Variants in DOT1L observed in about 807,000 individuals in gnomAD.
The protein encoded by DOT1L is DOT1 like histone lysine methyltransferase.
Under a neutral mutation model 153.3 loss-of-function variants are expected in DOT1L, and 33 were observed. That is an observed-to-expected ratio of 0.22 (90% confidence interval 0.16 to 0.29). DOT1L has a LOEUF of 0.29. Ranked by LOEUF, DOT1L falls within the 10% of genes least tolerant of loss-of-function variation. The pLI is 1.00. For synonymous variants in DOT1L, 1,135 were observed against 965.1 expected (o/e 1.18, Z -3.26); for missense variants, 1,847 against 2,119.9 (o/e 0.87, Z 2.53).
At chr19:2,195,519 G>T (rs2022978902) in intron 7 of DOT1L, among the ~76,000 whole-genome samples, 1 of 152,194 alleles carries the variant, frequency 6.6e-6, no homozygotes, top group Non-Finnish European at 1.5e-5. Context: ...GTGGATTGGA[G>T]GGTGGCTTGG....
chr19:2,205,824 G>A (rs1423752140), intron 9 of DOT1L, among the ~76,000 whole-genome samples: 4 of 151,832 alleles, frequency 2.6e-5, no homozygotes, highest in Admixed American at 2.6e-4. Context: ...CTCCCGAGTA[G>A]CTGGGATCAC....
Position 2,231,734 on chromosome 19 carries a change from G to T in DOT1L, c.*1942G>T, listed in dbSNP as rs889893935. 7 of 213,596 alleles carry T rather than the reference G, an allele frequency of 3.3e-5. No individual in the cohort carries two copies. In the East Asian group the frequency reaches 4.8e-4, roughly 15 times the overall value. 13.2% of individuals were successfully genotyped at this position (213,596 alleles called of 1,614,324 possible). On this transcript the variant is annotated 3_prime_UTR_variant, in exon 28 of 28. Transcript: ENST00000398665. Reference sequence around the variant, plus strand: ...CACAGGGTTGATGGCAGAGACGGCCGAGTCCCTGGTCTAGAACAAGACACA... The same window carrying T: ...CACAGGGTTGATGGCAGAGACGGCCTAGTCCCTGGTCTAGAACAAGACACA...
intron 4 of DOT1L, 97 bp downstream of exon 4, chr19:2,189,892 C>A: frequency 1.5e-6 from 2 of 1,342,724 alleles, no homozygotes; most frequent in East Asian, 2.4e-5. Context: ...CAGAGCTCCC[C>A]TTAGAGCCCC....
At chr19:2,167,564 C>T (rs988603425) in intron 1 of DOT1L, among the ~76,000 whole-genome samples, 4 of 152,212 alleles carry the variant, frequency 2.6e-5, no homozygotes, top group African/African-American at 9.6e-5. Flanking sequence ...CGTCTACGGC[C>T]TCTTCCTGCT....
intron 12 of DOT1L, 108 bp downstream of exon 12, chr19:2,209,084 C>T (rs2023613485): frequency 1.5e-6 from 2 of 1,302,116 alleles, no homozygotes; most frequent in African/African-American, 1.5e-5. Context: ...GAGCACAGCC[C>T]TGCCGCCCCT....
chr19:2,203,652 G>A lies in DOT1L; in HGVS notation c.787+873G>A, dbSNP rs183346211. Among the ~76,000 whole-genome samples, 16 of 152,290 alleles carry A rather than the reference G, an allele frequency of 1.1e-4. No individual in the cohort carries two copies. The East Asian group carries it at 1.5e-3, about 15-fold the overall frequency. Reference sequence around the variant, plus strand: ...AGCGGAGAACTCAGCCCATGACATCGATTCCAGTCCTGCAGTCGAGGGTGG... The same window carrying A: ...AGCGGAGAACTCAGCCCATGACATCAATTCCAGTCCTGCAGTCGAGGGTGG... On this transcript the variant is annotated intron_variant, in intron 9 of 27. Coordinates refer to ENST00000398665, the MANE Select transcript of DOT1L (RefSeq NM_032482.3).
rs1050225106 is a variant in DOT1L, at chr19:2,187,131, C to A, written c.200+1202C>A. 3.3e-5 allele frequency among the ~76,000 whole-genome samples: 5 copies of A among 152,318 alleles called. No individual in the cohort carries two copies. The East Asian group carries it at 7.7e-4, about 23-fold the overall frequency. ...GCTTGGGCTTTACCTCACCCAGGAGCCCCCCACAAGTCGCTTCCTTACAAC... is the reference window on the plus strand; with the variant it reads ...GCTTGGGCTTTACCTCACCCAGGAGACCCCCACAAGTCGCTTCCTTACAAC... On this transcript the variant is annotated intron_variant, in intron 3 of 27. Coordinates refer to ENST00000398665, the MANE Select transcript of DOT1L (RefSeq NM_032482.3).
rs139473735 is a variant in DOT1L at position 2,231,394 on chromosome 19, C to T, written c.*1602C>T. The T allele has an allele frequency of 2.2e-3, 447 of 204,756 alleles. 3 individuals are homozygous for T. The highest frequency in any genetic ancestry group is 6.6e-3 in the African/African-American group (290 of 43,720). The allele number at this position is 204,756 out of a possible 1,614,324, so 12.7% of individuals were successfully genotyped here. A position where few individuals can be genotyped will look rare whatever the true frequency, so the allele number is the denominator to read the frequency against. ...CCTACCACGTGGCCTCCAAAGGGAG[C>T]CACGGAGGAAAGGCTTCTGTGGTTG... On this transcript the variant is annotated 3_prime_UTR_variant, in exon 28 of 28. Transcript: ENST00000398665.
intron 19 of DOT1L, 121 bp downstream of exon 19, chr19:2,214,717 C>A (rs2023837007): frequency 3.5e-6 from 5 of 1,418,574 alleles, no homozygotes; most frequent in Non-Finnish European, 3.8e-6. Flanking sequence ...TGGAGGAGGA[C>A]AGTTGGGTGG....
intron 18 of DOT1L, 165 bp from the exon 19 acceptor site, chr19:2,214,306 C>T: frequency 8.0e-7 from 1 of 1,243,888 alleles, no homozygotes; most frequent in Non-Finnish European, 1.1e-6. Flanking sequence ...GGGCCCCAGT[C>T]TCCGCGTGTT....
At chr19:2,175,835 C>T (rs551518175) in intron 1 of DOT1L, among the ~76,000 whole-genome samples, 3 of 152,320 alleles carry the variant, frequency 2.0e-5, no homozygotes, top group Admixed American at 2.0e-4. Flanking sequence ...GACCACACCA[C>T]TGCACTCCAG....
intron 2 of DOT1L, among the ~76,000 whole-genome samples, chr19:2,183,213 C>T (rs1256861854): frequency 3.9e-5 from 6 of 152,218 alleles, no homozygotes; most frequent in Non-Finnish European, 7.3e-5. Flanking sequence ...CTCTGCTGCT[C>T]AGGCTGGGGT....
chr19:2,202,053 C>G (rs753504872), intron 8 of DOT1L, among the ~76,000 whole-genome samples: 1 of 152,228 alleles, frequency 6.6e-6, no homozygotes, highest in Non-Finnish European at 1.5e-5. Context: ...TGGCTCACAC[C>G]GCTCAGCCAC....
At chr19:2,175,800 G>A (rs76978865) in intron 1 of DOT1L, among the ~76,000 whole-genome samples, 12,771 of 151,974 alleles carry the variant, frequency 0.084, 785 homozygotes, top group African/African-American at 0.17. Context: ...ATTGAACCTG[G>A]GAGGTAGAGG....
In DOT1L at chr19:2,227,052, T is replaced by A; in HGVS notation, c.4531T>A (p.Ser1511Thr). ...GGCCGCCGCAGGCCTGGTGCACGTG[T>A]CGTCCGCTGCCACCAGACTGACCAA... ...VPAAAGLVHV[S>T]SAATRLTNSH... The change falls in exon 27 of 28, where the codon TCG becomes ACG. Residue 1511 changes from serine to threonine, a missense_variant. By Grantham distance (58) the Ser-to-Thr change is moderately conservative (BLOSUM62 1). This residue lies in a region of DOT1L where 934 missense variants were observed against 825.3 expected (regional missense o/e 1.13). Transcript: ENST00000398665. The A allele has an allele frequency of 1.9e-6, 3 of 1,574,970 alleles. No individual in the cohort carries two copies. The highest frequency in any genetic ancestry group is 2.6e-6 in the Non-Finnish European group (3 of 1,166,338).
At chr19:2,229,322 C>T in intron 27 of DOT1L, 2 of 985,458 alleles carry the variant, frequency 2.0e-6, no homozygotes, top group Non-Finnish European at 2.4e-6. Flanking sequence ...TGCCCCTGGC[C>T]TTCTGCCTCA....
chr19:2,183,328 G>A (rs1312035698), intron 2 of DOT1L, among the ~76,000 whole-genome samples: 3 of 152,078 alleles, frequency 2.0e-5, no homozygotes, highest in Admixed American at 1.3e-4. Flanking sequence ...CTGCAACCAC[G>A]CCCAGCTAAT....
At position 2,169,204 on chromosome 19, in the gene DOT1L, G is replaced by C. The variant is rs1417638880; in HGVS notation, c.81+4939G>C. ...CAGCAGTGAGTAGCAGCCGGGGCGGGGTGAGCTGTCCCCACCGTGACTCAG... is the reference window on the plus strand; with the variant it reads ...CAGCAGTGAGTAGCAGCCGGGGCGGCGTGAGCTGTCCCCACCGTGACTCAG... On this transcript the variant is annotated intron_variant, in intron 1 of 27. Coordinates refer to ENST00000398665, the MANE Select transcript of DOT1L (RefSeq NM_032482.3). Among the ~76,000 whole-genome samples, 3 of 152,226 alleles carry C rather than the reference G, an allele frequency of 2.0e-5. No individual in the cohort carries two copies. The East Asian group carries it at 5.8e-4, about 29-fold the overall frequency.
intron 27 of DOT1L, chr19:2,227,581 C>T (rs961389964): frequency 7.5e-5 from 64 of 856,190 alleles, no homozygotes; most frequent in Non-Finnish European, 9.1e-5. Flanking sequence ...GGAGGGCGGG[C>T]CACCACGAGC....
Sources: gnomAD v4.1 joint callset for allele counts (sites outside exome capture counted in the v4.1 genomes callset) on GRCh38, gnomAD v4.1.1 for gene constraint, gnomAD v4.1.1 regional missense constraint, MANE v1.5 for transcripts, NCBI Gene and HGNC (gene_info 2026-07-23, HGNC 2026-07-21) for gene names.